The following SYN3 variants were observed in gnomAD, a reference collection of about 807,000 sequenced individuals.
The protein encoded by SYN3 is synapsin-3.
Under a neutral mutation model 65.8 loss-of-function variants are expected in SYN3, and 35 were observed. That is an observed-to-expected ratio of 0.53 (90% CI 0.41 to 0.70). The LOEUF (loss-of-function observed/expected upper bound fraction) is 0.70. SYN3 is among the 30% of genes least tolerant of loss of function. SYN3 has a pLI of 0.00. For missense variants in SYN3, 680 were observed against 749.0 expected (o/e 0.91, Z 1.08); for synonymous variants, 270 against 292.9 (o/e 0.92, Z 0.80).
chr22:33,055,946 A>C (rs1353828576), intron 1 of SYN3, among the ~76,000 whole-genome samples: 3 of 152,252 alleles, frequency 2.0e-5, no homozygotes, highest in Non-Finnish European at 4.4e-5. Flanking sequence ...TTAATCAATC[A>C]ATCCACCAAT....
intron 1 of SYN3, among the ~76,000 whole-genome samples, chr22:33,041,881 A>G (rs2053970980): frequency 6.6e-6 from 1 of 152,104 alleles, no homozygotes; most frequent in South Asian, 2.1e-4. Flanking sequence ...GGAAAGCTCA[A>G]ACCTCTCTCC....
rs1355958041 is a variant in SYN3, at chr22:32,596,710, T to C, written c.738A>G (p.Val246=). The C allele has an allele frequency of 1.2e-6, 2 of 1,613,846 alleles. No individual in the cohort carries two copies. Among genetic ancestry groups the C allele is most frequent in the Non-Finnish European group, 1.7e-6 (2 of 1,179,936 alleles). ...CAGCGTGGGCATGTCCCAGCTTGAC[T>C]ACCACCGGGAAGTGTGGGGCTGTGA... ...PMVTAPHFPV[V]VKLGHAHAGM... The change falls in exon 7 of 14, where the codon GTA becomes GTG. Residue 246 remains valine (V), a synonymous_variant. Transcript: ENST00000358763.
chr22:32,853,372 C>T (rs1233086600), intron 6 of SYN3, among the ~76,000 whole-genome samples: 1 of 152,200 alleles, frequency 6.6e-6, no homozygotes, highest in Middle Eastern at 3.2e-3. Flanking sequence ...TGTACACCAG[C>T]ATCCAGAACA....
At chr22:32,856,770 G>A (rs56060912) in intron 6 of SYN3, among the ~76,000 whole-genome samples, 6 of 151,974 alleles carry the variant, frequency 3.9e-5, no homozygotes, top group Non-Finnish European at 7.4e-5. Flanking sequence ...CTTGTTCTGC[G>A]TACTCGTATT....
chr22:32,628,890 C>T (rs1181874561), intron 6 of SYN3, among the ~76,000 whole-genome samples: 1 of 152,162 alleles, frequency 6.6e-6, no homozygotes, highest in Non-Finnish European at 1.5e-5. Flanking sequence ...AAGTGGGGGC[C>T]TTTTCTCTGA....
At chr22:32,950,775 G>A (rs2051266600) in intron 3 of SYN3, among the ~76,000 whole-genome samples, 1 of 152,174 alleles carries the variant, frequency 6.6e-6, no homozygotes. Flanking sequence ...GAGGAACTAA[G>A]GGTAGCGAAC....
chr22:32,546,521 G>C (rs934347722), intron 7 of SYN3, among the ~76,000 whole-genome samples: 1 of 152,130 alleles, frequency 6.6e-6, no homozygotes, highest in African/African-American at 2.4e-5. Flanking sequence ...CTGGCGAAGA[G>C]GGGAGGTGGT....
chr22:32,855,116 C>A (rs781607428), intron 6 of SYN3, among the ~76,000 whole-genome samples: 1 of 152,202 alleles, frequency 6.6e-6, no homozygotes, highest in African/African-American at 2.4e-5. Context: ...GGGACAAGCC[C>A]AGAGACCACC....
chr22:32,657,614 G>A (rs2060160671), intron 6 of SYN3, among the ~76,000 whole-genome samples: 1 of 152,184 alleles, frequency 6.6e-6, no homozygotes, highest in Admixed American at 6.5e-5. Context: ...AGTGGGGGTG[G>A]CATCATTCTG....
At chr22:32,564,693 TCGGACTGCACCCAAACAGTGCTCC>T (rs1334458978) in intron 7 of SYN3, among the ~76,000 whole-genome samples, 85 of 126,670 alleles carry the variant, frequency 6.7e-4, no homozygotes, top group Admixed American at 2.9e-3. Flanking sequence ...AAGAGTGCTC[TCGGACTGCACCCAAACAGTGCTCC>T]CGGACTGCAC....
At chr22:32,851,212 G>A (rs2048208595) in intron 6 of SYN3, among the ~76,000 whole-genome samples, 1 of 152,152 alleles carries the variant, frequency 6.6e-6, no homozygotes, top group South Asian at 2.1e-4. Flanking sequence ...CCAAAGCAGA[G>A]GTTCAGAAAA....
intron 6 of SYN3, among the ~76,000 whole-genome samples, chr22:32,839,237 A>G (rs1319645330): frequency 1.3e-5 from 2 of 152,108 alleles, no homozygotes; most frequent in Non-Finnish European, 2.9e-5. Context: ...AATCCTGTAG[A>G]TACTGCAAAC....
At chr22:32,874,463 C>T (rs563566729) in intron 4 of SYN3, among the ~76,000 whole-genome samples, 1 of 152,196 alleles carries the variant, frequency 6.6e-6, no homozygotes. Context: ...AGGGGGATTA[C>T]TGAATGCTTC....
At chr22:33,056,470 C>A (rs1441017596) in intron 1 of SYN3, among the ~76,000 whole-genome samples, 1 of 152,142 alleles carries the variant, frequency 6.6e-6, no homozygotes, top group Non-Finnish European at 1.5e-5. Context: ...CAGGAACTGT[C>A]CTGCTGAAGG....
intron 6 of SYN3, among the ~76,000 whole-genome samples, chr22:32,614,099 A>G (rs2059482826): frequency 6.6e-6 from 1 of 152,238 alleles, no homozygotes; most frequent in South Asian, 2.1e-4. Flanking sequence ...ATTAACCGGC[A>G]CAAAGCACTC....
Position 32,837,472 on chromosome 22 carries a change from C to A in SYN3, c.711+27443G>T, listed in dbSNP as rs2047767913. Among the ~76,000 whole-genome samples the A allele has an allele frequency of 6.6e-6, 1 of 152,100 alleles. No individual in the cohort carries two copies. Among genetic ancestry groups the A allele is most frequent in the Non-Finnish European group, 1.5e-5 (1 of 68,030 alleles). On this transcript the variant is annotated intron_variant, in intron 6 of 13. Coordinates refer to ENST00000358763, the MANE Select transcript of SYN3 (RefSeq NM_003490.4). The surrounding 1 kb of genome is among the most constrained non-coding windows in gnomAD (Gnocchi z 4.1). ...TCAGAGCACAGCACAGATGCCCAGC[C>A]AAAACACCCAGGGCGAAACCACTCC... is the stretch of plus-strand genomic sequence containing the variant.
intron 4 of SYN3, among the ~76,000 whole-genome samples, chr22:32,888,242 A>T (rs2049348823): frequency 1.3e-5 from 2 of 152,142 alleles, no homozygotes; most frequent in Non-Finnish European, 1.5e-5. Flanking sequence ...TATAACTATT[A>T]TTCTAGATGT....
chr22:32,630,614 A>G (rs1196058030), intron 6 of SYN3, among the ~76,000 whole-genome samples: 1 of 152,170 alleles, frequency 6.6e-6, no homozygotes, highest in Non-Finnish European at 1.5e-5. Context: ...CACGTTACAA[A>G]CAGTAAAATG....
chr22:32,686,219 G>C (rs1374112347), intron 6 of SYN3, among the ~76,000 whole-genome samples: 2 of 152,036 alleles, frequency 1.3e-5, no homozygotes, highest in African/African-American at 4.8e-5. Context: ...ATAGAAAAAG[G>C]GTATTATCCT....
Sources: gnomAD v4.1 joint callset for allele counts (sites outside exome capture counted in the v4.1 genomes callset) on GRCh38, gnomAD v4.1.1 for gene constraint, Gnocchi (gnomAD v3.1) non-coding constraint, MANE v1.5 for transcripts, NCBI Gene and HGNC (gene_info 2026-07-23, HGNC 2026-07-21) for gene names.